Variants in BICRAL observed in about 807,000 individuals in gnomAD.
The protein encoded by BICRAL is BRD4-interacting chromatin-remodeling complex-associated protein-like.
Under a neutral mutation model 91.8 loss-of-function variants are expected in BICRAL, and 8 were observed. The ratio of observed to expected loss-of-function variants is 0.09; its 90% CI spans 0.05 to 0.16. BICRAL has a LOEUF of 0.16. BICRAL is among the 10% of genes least tolerant of loss of function. The pLI, the probability that BICRAL is intolerant of heterozygous loss-of-function variation, is 1.00. For synonymous variants in BICRAL, 445 were observed against 491.1 expected, an observed-to-expected ratio of 0.91 and a Z score of 1.24; for missense variants, 1,038 against 1,310.9, an observed-to-expected ratio of 0.79 and a Z score of 3.21.
intron 6 of BICRAL, among the ~76,000 whole-genome samples, chr6:42,835,888 C>T (rs1764623235): frequency 6.6e-6 from 1 of 152,146 alleles, no homozygotes; most frequent in Non-Finnish European, 1.5e-5. Context: ...GGTGATGGCA[C>T]CACTGCGCTA....
intron 1 of BICRAL, among the ~76,000 whole-genome samples, chr6:42,762,895 T>C (rs1256040200): frequency 1.3e-5 from 2 of 149,758 alleles, no homozygotes; most frequent in Non-Finnish European, 3.0e-5. Context: ...CCCACTGCAC[T>C]CCAGCTTGGG....
upstream of BICRAL, among the ~76,000 whole-genome samples, chr6:42,779,186 C>G (rs1762844863): frequency 1.3e-5 from 2 of 150,286 alleles, no homozygotes; most frequent in African/African-American, 2.5e-5. Context: ...CTCTGCACTC[C>G]AGCCTGAGTC....
intron 1 of BICRAL, among the ~76,000 whole-genome samples, chr6:42,767,442 A>G (rs1381306868): frequency 6.6e-6 from 1 of 152,200 alleles, no homozygotes; most frequent in Non-Finnish European, 1.5e-5. Flanking sequence ...CAGCTCTGCA[A>G]ACACAGATGA....
At chr6:42,831,425 T>C (rs1428090538) in intron 6 of BICRAL, among the ~76,000 whole-genome samples, 2 of 152,174 alleles carry the variant, frequency 1.3e-5, no homozygotes, top group Non-Finnish European at 2.9e-5. Flanking sequence ...CTGAGCTTGC[T>C]CTTACTATAC....
At chr6:42,760,555 C>CATT (rs199762537) in intron 1 of BICRAL, among the ~76,000 whole-genome samples, 1,607 of 151,250 alleles carry the variant, frequency 0.011, 26 homozygotes, top group African/African-American at 0.036. Context: ...GTGGTTTCAA[C>CATT]ATTATTATTA....
At chr6:42,863,175 A>G (rs1581642421) in intron 12 of BICRAL, among the ~76,000 whole-genome samples, 3 of 151,686 alleles carry the variant, frequency 2.0e-5, no homozygotes, top group Admixed American at 2.0e-4. Flanking sequence ...CAGCCTCCCA[A>G]GTAGCTGGGA....
intron 1 of BICRAL, among the ~76,000 whole-genome samples, chr6:42,801,587 T>A (rs1763572456): frequency 6.6e-6 from 1 of 152,060 alleles, no homozygotes; most frequent in African/African-American, 2.4e-5. Flanking sequence ...TCATTTAAAA[T>A]GTTCTCTAAA....
intron 6 of BICRAL, among the ~76,000 whole-genome samples, chr6:42,843,804 T>C (rs1351800820): frequency 3.4e-4 from 50 of 148,688 alleles, no homozygotes; most frequent in African/African-American, 1.1e-3. Flanking sequence ...TTTCTTCTTT[T>C]TTTTTTTTTT....
chr6:42,809,729 G>T (rs6929154), intron 1 of BICRAL, among the ~76,000 whole-genome samples: 53,282 of 151,836 alleles, frequency 0.35, 9,633 homozygotes, highest in South Asian at 0.47. Flanking sequence ...ACCTGCCTCA[G>T]CCTCCCAAAG....
At chr6:42,761,441 T>C (rs1260737286) in intron 1 of BICRAL, among the ~76,000 whole-genome samples, 2 of 151,830 alleles carry the variant, frequency 1.3e-5, no homozygotes, top group Non-Finnish European at 2.9e-5. Context: ...AGAGCTGGAG[T>C]GCAATAAATA....
intron 1 of BICRAL, among the ~76,000 whole-genome samples, chr6:42,793,170 GTC>G (rs1235679757): frequency 1.8e-4 from 14 of 78,916 alleles, no homozygotes; most frequent in African/African-American, 6.2e-4. Context: ...TTGAGACAGA[GTC>G]TCGCTCTGTT....
At chr6:42,833,071 T>A (rs1764539106) in intron 6 of BICRAL, among the ~76,000 whole-genome samples, 1 of 151,824 alleles carries the variant, frequency 6.6e-6, no homozygotes, top group Non-Finnish European at 1.5e-5. Context: ...TTTTTTTTTT[T>A]TTGAGATGGA....
At chr6:42,846,704 C>A (rs1354802259) in intron 6 of BICRAL, among the ~76,000 whole-genome samples, 1 of 152,148 alleles carries the variant, frequency 6.6e-6, no homozygotes, top group Non-Finnish European at 1.5e-5. Context: ...AAAAAGTGCC[C>A]CTCAGGGCCA....
chr6:42,774,451 A>G (rs1477745059), intron 1 of BICRAL, among the ~76,000 whole-genome samples: 1 of 152,096 alleles, frequency 6.6e-6, no homozygotes, highest in African/African-American at 2.4e-5. Flanking sequence ...AACTCATCGC[A>G]TTTTCACCAG....
intron 5 of BICRAL, among the ~76,000 whole-genome samples, chr6:42,824,603 G>C (rs1437614521): frequency 6.6e-6 from 1 of 152,190 alleles, no homozygotes; most frequent in African/African-American, 2.4e-5. Flanking sequence ...CATTACAGGC[G>C]TGAGCCACTG....
intron 8 of BICRAL, among the ~76,000 whole-genome samples, chr6:42,855,045 A>G (rs938046244): frequency 6.6e-6 from 1 of 152,224 alleles, no homozygotes; most frequent in African/African-American, 2.4e-5. Context: ...GACTGCCTGG[A>G]ATACACAGTG....
chr6:42,847,032 G>C (rs969261317), intron 6 of BICRAL, among the ~76,000 whole-genome samples: 1 of 152,200 alleles, frequency 6.6e-6, no homozygotes, highest in Non-Finnish European at 1.5e-5. Context: ...GAGGGGCTGA[G>C]GTGAGCAGAT....
rs540349738 is a variant in BICRAL at position 42,836,963 on chromosome 6, G to C, written c.1839+6791G>C. On this transcript the variant is annotated intron_variant, in intron 6 of 12. Coordinates refer to ENST00000314073, the MANE Select transcript of BICRAL (RefSeq NM_001393499.1). ...TAATATTTCTTTTCTTTTTTTTTTT[G>C]AGATGGAGTCTCACTCTACCGCCCA... Among the ~76,000 whole-genome samples the C allele has an allele frequency of 1.3e-3, 178 of 135,596 alleles. 1 individual carries two copies. The highest frequency in any genetic ancestry group is 1.5e-3 in the Non-Finnish European group (97 of 63,972). The allele number at this position is 135,596 out of a possible 152,430, so 89.0% of individuals were successfully genotyped here. A position where few individuals can be genotyped will look rare whatever the true frequency, so the allele number is the denominator to read the frequency against.
In BICRAL at chr6:42,828,829, A is replaced by G. The variant is rs1280552435; in HGVS notation, c.496A>G (p.Ile166Val). The G allele has an allele frequency of 1.9e-6, 3 of 1,614,058 alleles. No homozygotes were observed. The highest frequency in any genetic ancestry group is 1.7e-5 in the Admixed American group (1 of 59,992). Reference protein sequence around the residue: ...SNYSGQTLQPIGVTHVPVGAS... With the variant: ...SNYSGQTLQPVGVTHVPVGAS... ...TTACTCAGGTCAGACGCTGCAGCCTATAGGGGTGACGCATGTGCCTGTTGG... is the reference window on the plus strand; with the variant it reads ...TTACTCAGGTCAGACGCTGCAGCCTGTAGGGGTGACGCATGTGCCTGTTGG... Residue 166 changes from isoleucine (I) to valine (V), a missense_variant, in exon 6 of 13, where the codon ATA (isoleucine) becomes GTA (valine). Transcript: ENST00000314073.
Sources: gnomAD v4.1 joint callset for allele counts (sites outside exome capture counted in the v4.1 genomes callset) on GRCh38, gnomAD v4.1.1 for gene constraint, MANE v1.5 for transcripts, NCBI Gene and HGNC (gene_info 2026-07-23, HGNC 2026-07-21) for gene names.